BCAS3: variants seen among roughly 807,000 people sequenced by gnomAD.
BCAS3 encodes the protein BCAS4/BCAS3 fusion.
Under a neutral mutation model 116.1 loss-of-function variants are expected in BCAS3, and 53 were observed. The observed-to-expected ratio is 0.46, with a 90% CI of 0.37 to 0.57. BCAS3 has a LOEUF of 0.57. Ranked by LOEUF, BCAS3 falls within the 20% of genes least tolerant of loss-of-function variation. BCAS3 has a pLI of 0.00. For synonymous variants in BCAS3, 391 were observed against 408.2 expected (o/e 0.96, Z 0.51); for missense variants, 917 against 1,165.4 (o/e 0.79, Z 3.10).
At chr17:61,385,083 G>T (rs1019540461) in intron 23 of BCAS3, among the ~76,000 whole-genome samples, 2 of 152,178 alleles carry the variant, frequency 1.3e-5, no homozygotes, top group African/African-American at 4.8e-5. Flanking sequence ...GGCTGTCAGG[G>T]GCTTAGAGCC....
intron 22 of BCAS3, among the ~76,000 whole-genome samples, chr17:61,246,935 A>G (rs1360156349): frequency 6.6e-6 from 1 of 152,016 alleles, no homozygotes; most frequent in Non-Finnish European, 1.5e-5. Context: ...TTTTTCATAT[A>G]GTTTCTGGTG....
intron 14 of BCAS3, among the ~76,000 whole-genome samples, chr17:60,972,005 G>A (rs55852733): frequency 6.6e-6 from 1 of 152,172 alleles, no homozygotes; most frequent in Non-Finnish European, 1.5e-5. Context: ...TACTTCAGCA[G>A]CCATTAAGTC....
chr17:60,881,291 T>A (rs1276814466), intron 9 of BCAS3, among the ~76,000 whole-genome samples: 1 of 152,154 alleles, frequency 6.6e-6, no homozygotes, highest in Admixed American at 6.6e-5. Context: ...TTCACTTTCT[T>A]TATGGTGTCT....
intron 6 of BCAS3, among the ~76,000 whole-genome samples, chr17:60,766,837 C>A (rs1483565210): frequency 6.6e-6 from 1 of 152,210 alleles, no homozygotes; most frequent in East Asian, 1.9e-4. Flanking sequence ...CCCTGTTGAG[C>A]TGCGGTGGGC....
intron 14 of BCAS3, among the ~76,000 whole-genome samples, chr17:60,948,233 C>A (rs1216965683): frequency 6.6e-6 from 1 of 151,976 alleles, no homozygotes; most frequent in Non-Finnish European, 1.5e-5. Flanking sequence ...CTCAGCCTCC[C>A]AACCAGCTGA....
Position 60,830,865 on chromosome 17 carries a change from T to A in BCAS3, c.476+22789T>A, listed in dbSNP as rs1460377864. On this transcript the variant is annotated intron_variant, in intron 7 of 23. Coordinates refer to ENST00000407086, the MANE Select transcript of BCAS3 (RefSeq NM_017679.5). ...TAATTTTTGGGTTTTTTTTTTTTTT[T>A]AAATAAACATCCTTTTGTTTTTTTA... 1.0e-4 allele frequency among the ~76,000 whole-genome samples: 15 copies of A among 148,118 alleles called. 1 individual carries two copies. The highest frequency in any genetic ancestry group is 9.9e-4 in the East Asian group (5 of 5,072).
chr17:61,036,308 T>C (rs1170427047), intron 17 of BCAS3: 1 of 152,208 alleles, frequency 6.6e-6, no homozygotes, highest in African/African-American at 2.4e-5. Context: ...CAGTCAGACA[T>C]GAGCCCTTTC....
chr17:61,059,028 G>A (rs1401348546), intron 19 of BCAS3, among the ~76,000 whole-genome samples: 1 of 141,464 alleles, frequency 7.1e-6, no homozygotes, highest in Non-Finnish European at 1.5e-5. Context: ...ACAGCTTTAG[G>A]CAGATAACCT....
At chr17:60,710,827 G>A (rs1481079869) in intron 5 of BCAS3, among the ~76,000 whole-genome samples, 2 of 148,024 alleles carry the variant, frequency 1.4e-5, no homozygotes, top group African/African-American at 5.0e-5. Flanking sequence ...TTTTGAGACA[G>A]GGTCTCACTT....
chr17:60,876,234 G>A (rs1029922328), intron 9 of BCAS3, among the ~76,000 whole-genome samples: 10 of 152,090 alleles, frequency 6.6e-5, no homozygotes, highest in African/African-American at 2.4e-4. Context: ...AAAGTTTAGT[G>A]TCCTTGCTAA....
intron 22 of BCAS3, among the ~76,000 whole-genome samples, chr17:61,108,816 G>A (rs986718174): frequency 5.9e-5 from 9 of 151,872 alleles, no homozygotes; most frequent in South Asian, 2.1e-4. Context: ...ATGCCTTGGC[G>A]TCCTCTTAGC....
At chr17:60,858,726 A>G (rs983466214) in intron 7 of BCAS3, among the ~76,000 whole-genome samples, 9 of 152,280 alleles carry the variant, frequency 5.9e-5, no homozygotes, top group African/African-American at 1.2e-4. Flanking sequence ...GAGGGCTTCA[A>G]TTAGTTTGCA....
rs745592981 is a variant in BCAS3, at chr17:61,251,675, T to G, written c.2426-116652T>G. On this transcript the variant is annotated intron_variant, in intron 22 of 23. Transcript: ENST00000407086. The surrounding 1 kb of genome is among the most constrained non-coding windows in gnomAD (Gnocchi z 4.7). ...ATATGTTGGTCTCTTGGGACAAGGCTGTACAGTTGAGAAAAGTAGCAAGAA... is the reference window on the plus strand; with the variant it reads ...ATATGTTGGTCTCTTGGGACAAGGCGGTACAGTTGAGAAAAGTAGCAAGAA... Among the ~76,000 whole-genome samples the G allele has an allele frequency of 1.5e-4, 23 of 152,128 alleles. No homozygotes were observed. Among genetic ancestry groups the G allele is most frequent in the Non-Finnish European group, 2.8e-4 (19 of 68,032 alleles).
At chr17:60,992,539 G>A (rs2063592033) in intron 15 of BCAS3, among the ~76,000 whole-genome samples, 1 of 152,118 alleles carries the variant, frequency 6.6e-6, no homozygotes, top group African/African-American at 2.4e-5. Context: ...GGAGGACAGT[G>A]GGAGGGGGTG....
In BCAS3 at chr17:60,962,410, G is replaced by A. The variant is rs192894446; in HGVS notation, c.1221+15058G>A. Among the ~76,000 whole-genome samples the A allele has an allele frequency of 3.9e-3, 594 of 152,204 alleles. No homozygotes were observed. Among genetic ancestry groups the A allele is most frequent in the Non-Finnish European group, 6.5e-3 (444 of 68,000 alleles). ...TGAGATGATATCTTGTTGTGGTTTT[G>A]ATTTGTGTTTCTCTGATGACTAGTG... is the stretch of plus-strand genomic sequence containing the variant. On this transcript the variant is annotated intron_variant, in intron 14 of 23. Transcript: ENST00000407086. This position sits in a 1 kb window ranked among gnomAD's most constrained non-coding sequence, Gnocchi z 4.4.
Position 61,249,636 on chromosome 17 carries a change from G to A in BCAS3, c.2426-118691G>A, listed in dbSNP as rs1430228939. Among the ~76,000 whole-genome samples, 1 of 152,150 alleles carries A rather than the reference G, an allele frequency of 6.6e-6. No individual in the cohort carries two copies. The highest frequency in any genetic ancestry group is 1.5e-5 in the Non-Finnish European group (1 of 68,022). ...AGAATGGAAGAGTTTTCCCTTAACT[G>A]ATCTAAGGGAAAATTCTTTTTCTCG... is the stretch of plus-strand genomic sequence containing the variant. On this transcript the variant is annotated intron_variant, in intron 22 of 23. Coordinates refer to ENST00000407086, the MANE Select transcript of BCAS3 (RefSeq NM_017679.5). This position sits in a 1 kb window ranked among gnomAD's most constrained non-coding sequence, Gnocchi z 6.2.
At chr17:61,190,407 A>G (rs1401181901) in intron 22 of BCAS3, among the ~76,000 whole-genome samples, 1 of 150,352 alleles carries the variant, frequency 6.7e-6, no homozygotes, top group East Asian at 2.0e-4. Flanking sequence ...TGCACCTGTA[A>G]TCCCAGCTAC....
chr17:61,232,651 C>A (rs951082506), intron 22 of BCAS3, among the ~76,000 whole-genome samples: 1 of 152,114 alleles, frequency 6.6e-6, no homozygotes, highest in Admixed American at 6.6e-5. Context: ...GACCGGTGTT[C>A]TCTTTCTTAA....
At chr17:61,322,845 AGAG>A (rs2055397890) in intron 22 of BCAS3, among the ~76,000 whole-genome samples, 1 of 148,170 alleles carries the variant, frequency 6.7e-6, no homozygotes, top group Non-Finnish European at 1.5e-5. Flanking sequence ...AGAGAGAGAG[AGAG>A]AGAGAGACAG....
Sources: gnomAD v4.1 joint callset for allele counts (sites outside exome capture counted in the v4.1 genomes callset) on GRCh38, gnomAD v4.1.1 for gene constraint, Gnocchi (gnomAD v3.1) non-coding constraint, MANE v1.5 for transcripts, NCBI Gene and HGNC (gene_info 2026-07-23, HGNC 2026-07-21) for gene names.